The following ZNF385D variants were observed in gnomAD, a reference collection of about 807,000 sequenced individuals.
The protein encoded by ZNF385D is zinc finger protein 659.
ZNF385D carries 15 observed loss-of-function variants against 35.8 expected under a neutral mutation model. The observed-to-expected ratio is 0.42, with a 90% CI of 0.28 to 0.64. The LOEUF (loss-of-function observed/expected upper bound fraction) is 0.64, where lower values mean the gene tolerates loss of function less well. ZNF385D is among the 30% of genes least tolerant of loss of function. The pLI is 0.23. For missense variants in ZNF385D, 474 were observed against 494.6 expected, an observed-to-expected ratio of 0.96 and a Z score of 0.39; for synonymous variants, 212 against 186.8, an observed-to-expected ratio of 1.13 and a Z score of -1.10.
intron 3 of ZNF385D, chr3:21,979,810 G>C (rs902689599): frequency 6.6e-6 from 1 of 150,448 alleles, no homozygotes; most frequent in Non-Finnish European, 1.5e-5. Context: ...TTCACCAAAT[G>C]AACTTGTGTT....
chr3:22,059,238 G>C (rs1182490013), intron 3 of ZNF385D, among the ~76,000 whole-genome samples: 1 of 152,176 alleles, frequency 6.6e-6, no homozygotes, highest in Admixed American at 6.5e-5. Context: ...TGACAGGTGT[G>C]TGGGTAAGGG....
chr3:21,757,134 T>TTTTTTTTTTTTTTTG (rs1553654008), intron 3 of ZNF385D, among the ~76,000 whole-genome samples: 7 of 128,226 alleles, frequency 5.5e-5, no homozygotes, highest in African/African-American at 2.1e-4. Context: ...TTTTTTTTTT[T>TTTTTTTTTTTTTTTG]TTTTTGTTTT....
chr3:21,801,253 G>C (rs2072386112), intron 3 of ZNF385D, among the ~76,000 whole-genome samples: 1 of 152,044 alleles, frequency 6.6e-6, no homozygotes, highest in South Asian at 2.1e-4. Flanking sequence ...TTTTGTGTGT[G>C]TCAGTATTCA....
chr3:22,302,446 T>C (rs1485574157), intron 2 of ZNF385D, among the ~76,000 whole-genome samples: 1 of 151,952 alleles, frequency 6.6e-6, no homozygotes, highest in Non-Finnish European at 1.5e-5. Flanking sequence ...GTGAATGTCC[T>C]GTTCCTACTC....
At chr3:21,638,518 T>C (rs1217445262) in intron 2 of ZNF385D, among the ~76,000 whole-genome samples, 2 of 152,100 alleles carry the variant, frequency 1.3e-5, no homozygotes, top group African/African-American at 4.8e-5. Context: ...CCTGTGGGAC[T>C]TGGGAAGCAA....
chr3:22,029,304 T>C (rs556613978), intron 3 of ZNF385D, among the ~76,000 whole-genome samples: 1 of 152,168 alleles, frequency 6.6e-6, no homozygotes, highest in Non-Finnish European at 1.5e-5. Flanking sequence ...GCATGGAATA[T>C]AGGAGATCCA....
chr3:22,113,702 A>G (rs568638431), intron 3 of ZNF385D, among the ~76,000 whole-genome samples: 2 of 152,080 alleles, frequency 1.3e-5, no homozygotes, highest in East Asian at 3.9e-4. Context: ...GACCAAATAC[A>G]AAAAAGATAC....
At chr3:22,143,634 C>G (rs1704665370) in intron 3 of ZNF385D, among the ~76,000 whole-genome samples, 1 of 151,920 alleles carries the variant, frequency 6.6e-6, no homozygotes, top group African/African-American at 2.4e-5. Flanking sequence ...TATTGATGGC[C>G]TTTTAGATTT....
chr3:21,884,870 G>T (rs544650226), intron 3 of ZNF385D, among the ~76,000 whole-genome samples: 1 of 151,762 alleles, frequency 6.6e-6, no homozygotes, highest in East Asian at 2.0e-4. Flanking sequence ...TATACACGAG[G>T]ATCATGAAAG....
At chr3:21,636,488 G>A (rs753316506) in intron 2 of ZNF385D, among the ~76,000 whole-genome samples, 4 of 147,382 alleles carry the variant, frequency 2.7e-5, no homozygotes, top group South Asian at 4.3e-4. Context: ...GAGAAGCGAA[G>A]AAGAAGCCAG....
At chr3:21,594,086 A>G (rs1373647942) in intron 2 of ZNF385D, among the ~76,000 whole-genome samples, 1 of 152,232 alleles carries the variant, frequency 6.6e-6, no homozygotes, top group Non-Finnish European at 1.5e-5. Flanking sequence ...ATGAAAGGCA[A>G]GAAGCAACTC....
Position 21,558,055 on chromosome 3 carries a change from C to T in ZNF385D, c.276+6519G>A, listed in dbSNP as rs564410053. On this transcript the variant is annotated intron_variant, in intron 3 of 7. Transcript: ENST00000281523. ...ATTCTTCTCCCTTTTCTTTATTAGT[C>T]TGGCTAGCAGTCTGTTTTGCTGATC... 2.0e-5 allele frequency among the ~76,000 whole-genome samples: 3 copies of T among 150,322 alleles called. No individual in the cohort carries two copies. The East Asian group carries it at 5.8e-4, about 29-fold the overall frequency.
At chr3:22,368,059 T>C (rs745569676) in intron 2 of ZNF385D, among the ~76,000 whole-genome samples, 57 of 152,222 alleles carry the variant, frequency 3.7e-4, no homozygotes, top group Non-Finnish European at 5.3e-4. Flanking sequence ...TGAAAAGACC[T>C]GTTTTGAAAT....
chr3:22,239,336 GC>G (rs1170815909), intron 2 of ZNF385D, among the ~76,000 whole-genome samples: 1 of 150,812 alleles, frequency 6.6e-6, no homozygotes, highest in Non-Finnish European at 1.5e-5. Flanking sequence ...AGACTCTATG[GC>G]CCACAACATT....
Position 21,575,432 on chromosome 3 carries a change from C to T in ZNF385D, c.166-10748G>A, listed in dbSNP as rs1002479410. Among the ~76,000 whole-genome samples the T allele has an allele frequency of 4.6e-5, 7 of 152,202 alleles. No individual in the cohort carries two copies. The South Asian group carries it at 1.5e-3, about 32-fold the overall frequency. ...TATTAATCTCCTAAATCAGGTCAAA[C>T]CCAAATTTGATGATTTGGTCAAAAG... On this transcript the variant is annotated intron_variant, in intron 2 of 7. Transcript: ENST00000281523.
chr3:21,996,636 A>G (rs915139301), intron 3 of ZNF385D, among the ~76,000 whole-genome samples: 2 of 152,246 alleles, frequency 1.3e-5, no homozygotes, highest in Non-Finnish European at 2.9e-5. Flanking sequence ...TTATGTTAGC[A>G]TAGTTGTAGT....
At chr3:21,828,500 T>G (rs192383589) in intron 3 of ZNF385D, among the ~76,000 whole-genome samples, 8 of 152,360 alleles carry the variant, frequency 5.3e-5, no homozygotes, top group Admixed American at 1.3e-4. Context: ...TTTACTCACC[T>G]ATAACCTACA....
intron 2 of ZNF385D, among the ~76,000 whole-genome samples, chr3:22,360,549 C>G (rs956944973): frequency 6.6e-6 from 1 of 151,876 alleles, no homozygotes; most frequent in African/African-American, 2.4e-5. Context: ...TTCTTAGACT[C>G]GATTTATTAA....
chr3:22,164,818 C>T (rs1473904601), intron 3 of ZNF385D, among the ~76,000 whole-genome samples: 3 of 151,758 alleles, frequency 2.0e-5, no homozygotes, highest in East Asian at 1.9e-4. Flanking sequence ...TATTTAAAAG[C>T]AGGATAGTTC....
Sources: allele counts gnomAD v4.1 joint callset (sites outside exome capture counted in the v4.1 genomes callset), GRCh38; gene constraint gnomAD v4.1.1; transcripts MANE v1.5; gene names NCBI Gene and HGNC (gene_info 2026-07-23, HGNC 2026-07-21).